Variants in BTRC observed in about 807,000 individuals in gnomAD.
The protein encoded by BTRC is F-box/WD repeat-containing protein 1A.
In BTRC, 42 loss-of-function variants were observed where a neutral mutation model predicts 85.5. That is an observed-to-expected ratio of 0.49 (90% CI 0.38 to 0.64). The LOEUF is 0.64. Ranked by LOEUF, BTRC falls within the 30% of genes least tolerant of loss-of-function variation. The probability of loss-of-function intolerance (pLI) is 0.00; values close to 1 mark genes in which losing one functional copy is unlikely to be tolerated. For synonymous variants in BTRC, 255 were observed against 263.3 expected, an observed-to-expected ratio of 0.97 and a Z score of 0.30; for missense variants, 594 against 743.5, an observed-to-expected ratio of 0.80 and a Z score of 2.34.
At position 101,550,819 on chromosome 10, in the gene BTRC, C is replaced by T; in HGVS notation, c.1777C>T (p.Pro593Ser). 1 of 1,614,082 alleles carries T rather than the reference C, an allele frequency of 6.2e-7. No homozygotes were observed. ...TGATCCAGCTGCCCAAGCTGAACCCCCCCGTTCCCCTTCTCGAACATACAC... is the reference window on the plus strand; with the variant it reads ...TGATCCAGCTGCCCAAGCTGAACCCTCCCGTTCCCCTTCTCGAACATACAC... ...LNDPAAQAEPPRSPSRTYTYI... is the reference protein window; with the variant it reads ...LNDPAAQAEPSRSPSRTYTYI... Residue 593 changes from proline (P) to serine (S), a missense_variant, in exon 14 of 15, where the codon CCC becomes TCC. Physicochemically the swap from Pro to Ser is moderately conservative, Grantham distance 74 (BLOSUM62 -1). Around this residue, in one of 4 missense-constraint regions of BTRC, gnomAD observed 56 missense variants for 39.6 expected, o/e 1.41. Coordinates refer to ENST00000370187, the MANE Select transcript of BTRC (RefSeq NM_033637.4).
intron 2 of BTRC, among the ~76,000 whole-genome samples, chr10:101,436,580 A>G (rs1214506996): frequency 6.6e-6 from 1 of 152,010 alleles, no homozygotes; most frequent in African/African-American, 2.4e-5. Flanking sequence ...GCGACACTGC[A>G]TTCTAGCCTG....
intron 1 of BTRC, among the ~76,000 whole-genome samples, chr10:101,403,688 T>C (rs1943543569): frequency 6.6e-6 from 1 of 152,042 alleles, no homozygotes; most frequent in South Asian, 2.1e-4. Flanking sequence ...CCTCTCAGGC[T>C]CAAGAGATCT....
At chr10:101,477,313 T>C (rs1216733474) in intron 3 of BTRC, among the ~76,000 whole-genome samples, 1 of 152,010 alleles carries the variant, frequency 6.6e-6, no homozygotes, top group Non-Finnish European at 1.5e-5. Context: ...GATCTGTGTT[T>C]TAACAAGCCC....
intron 1 of BTRC, among the ~76,000 whole-genome samples, chr10:101,361,987 A>C (rs1289682123): frequency 6.6e-6 from 1 of 152,032 alleles, no homozygotes; most frequent in Non-Finnish European, 1.5e-5. Context: ...CTTGAGACGG[A>C]GTCTCACTCT....
chr10:101,356,820 A>G (rs1010324854), intron 1 of BTRC, among the ~76,000 whole-genome samples: 16 of 152,138 alleles, frequency 1.1e-4, no homozygotes, highest in Admixed American at 6.6e-5. Context: ...ATGTCTGTTT[A>G]TTCAGAGTCA....
chr10:101,413,400 G>A (rs1392705484), intron 1 of BTRC, among the ~76,000 whole-genome samples: 5 of 152,104 alleles, frequency 3.3e-5, no homozygotes, highest in South Asian at 2.1e-4. Flanking sequence ...TGCAGGCTCC[G>A]CCTCCAGGGT....
At chr10:101,430,996 A>AGGT (rs1260083264) in intron 2 of BTRC, among the ~76,000 whole-genome samples, 1 of 150,410 alleles carries the variant, frequency 6.6e-6, no homozygotes, top group Non-Finnish European at 1.5e-5. Flanking sequence ...TGAGACCTTT[A>AGGT]GGTACAGTAT....
intron 3 of BTRC, among the ~76,000 whole-genome samples, chr10:101,469,791 C>T (rs926321366): frequency 6.6e-6 from 1 of 152,156 alleles, no homozygotes; most frequent in African/African-American, 2.4e-5. Context: ...GGATCAAATA[C>T]TGATCAGCTT....
At chr10:101,394,776 C>G (rs1309012656) in intron 1 of BTRC, among the ~76,000 whole-genome samples, 1 of 152,102 alleles carries the variant, frequency 6.6e-6, no homozygotes, top group East Asian at 1.9e-4. Context: ...CTAGACTTGT[C>G]AGATTAGGGC....
At chr10:101,532,785 TGTGTGCGCGTGTGCGCGC>T (rs1226270135) in intron 8 of BTRC, among the ~76,000 whole-genome samples, 149 bp from the exon 9 acceptor site, 1 of 34,258 alleles carries the variant, frequency 2.9e-5, no homozygotes, top group African/African-American at 2.3e-4. Context: ...TGTGTGTGTG[TGTGTGCGCGTGTGCGCGC>T]GCGCGCGCTT....
chr10:101,434,367 GAACAATTGGATATCCTTGTGCAA>G (rs1430406454), intron 2 of BTRC, among the ~76,000 whole-genome samples: 1 of 151,868 alleles, frequency 6.6e-6, no homozygotes, highest in Non-Finnish European at 1.5e-5. Context: ...AATTATGCTG[GAACAATTGGATATCCTTGTGCAA>G]AACAATGAAC....
At chr10:101,364,636 T>C (rs1207506827) in intron 1 of BTRC, among the ~76,000 whole-genome samples, 4 of 152,224 alleles carry the variant, frequency 2.6e-5, no homozygotes, top group Non-Finnish European at 5.9e-5. Context: ...AGCATGTGGA[T>C]AAATATTTTT....
At chr10:101,395,985 G>GT (rs1350168639) in intron 1 of BTRC, among the ~76,000 whole-genome samples, 35 of 151,844 alleles carry the variant, frequency 2.3e-4, no homozygotes, top group Middle Eastern at 3.4e-3. Context: ...TTGTATTTTT[G>GT]TTTTTTGCCT....
chr10:101,482,310 T>G (rs1429796342), intron 4 of BTRC, among the ~76,000 whole-genome samples: 2 of 151,636 alleles, frequency 1.3e-5, no homozygotes, highest in African/African-American at 4.8e-5. Flanking sequence ...TGTGAGCCAC[T>G]GTGCCTGGCC....
chr10:101,451,185 T>C (rs754542543), intron 2 of BTRC, among the ~76,000 whole-genome samples: 3 of 152,206 alleles, frequency 2.0e-5, no homozygotes, highest in Non-Finnish European at 4.4e-5. Flanking sequence ...CAGGTAGCAG[T>C]ATTAAAAGAA....
chr10:101,367,869 G>GT (rs1192560994), intron 1 of BTRC, among the ~76,000 whole-genome samples: 1 of 152,160 alleles, frequency 6.6e-6, no homozygotes, highest in Non-Finnish European at 1.5e-5. Context: ...GTTATTTCCA[G>GT]TTTTGGGCTA....
chr10:101,549,902 A>G (rs2062623617), intron 13 of BTRC, among the ~76,000 whole-genome samples: 2 of 152,010 alleles, frequency 1.3e-5, no homozygotes, highest in African/African-American at 4.8e-5. Flanking sequence ...TTAGATATTC[A>G]TGAATTTTGC....
In BTRC at chr10:101,430,401, T is replaced by A. The variant is rs1337122971; in HGVS notation, c.105T>A (p.Pro35=). 1.2e-6 allele frequency: 2 copies of A among 1,614,028 alleles called. No homozygotes were observed. The highest frequency in any genetic ancestry group is 1.7e-6 in the Non-Finnish European group (2 of 1,180,016). The part of the protein sequence containing the change: ...LGCSSLADSM[P]SLRCLYNPGT... The stretch of plus-strand genomic sequence containing the variant: ...GCTCCAGCCTGGCGGACAGCATGCC[T>A]TCGCTGCGATGCCTGTATAACCCAG... Residue 35 remains proline (P), a synonymous_variant, in exon 2 of 15, where the codon CCT becomes CCA. Transcript: ENST00000370187.
chr10:101,464,828 C>T (rs1945330092), intron 3 of BTRC, among the ~76,000 whole-genome samples: 1 of 152,166 alleles, frequency 6.6e-6, no homozygotes, highest in Admixed American at 6.5e-5. Flanking sequence ...GCAGTGCCAT[C>T]TGGTTTTTTG....
Sources: allele counts gnomAD v4.1 joint callset (sites outside exome capture counted in the v4.1 genomes callset), GRCh38; gene constraint gnomAD v4.1.1; regional missense constraint gnomAD v4.1.1; transcripts MANE v1.5; gene names NCBI Gene and HGNC (gene_info 2026-07-23, HGNC 2026-07-21).